Variants in SLC24A2 observed in about 807,000 individuals in gnomAD.
SLC24A2 encodes the protein solute carrier family 24 member 2, also known as sodium/potassium/calcium exchanger 2.
A neutral mutation model predicts 62.0 loss-of-function variants in SLC24A2; 36 were observed. The ratio of observed to expected loss-of-function variants is 0.58; its 90% confidence interval spans 0.44 to 0.77. The LOEUF (loss-of-function observed/expected upper bound fraction) is 0.77. SLC24A2 is among the 30% of genes least tolerant of loss of function. The pLI, the probability that SLC24A2 is intolerant of heterozygous loss-of-function variation, is 0.00. For missense variants in SLC24A2, 846 were observed against 817.9 expected (o/e 1.03, Z -0.42); for synonymous variants, 358 against 294.0 (o/e 1.22, Z -2.23).
At chr9:19,606,235 T>C (rs1836980639) in intron 4 of SLC24A2, among the ~76,000 whole-genome samples, 1 of 152,138 alleles carries the variant, frequency 6.6e-6, no homozygotes, top group African/African-American at 2.4e-5. Flanking sequence ...GATAAAAGGT[T>C]TTTTCTCAGA....
chr9:20,103,338 G>T, the SLC24A2 span, among the ~76,000 whole-genome samples: 1 of 152,092 alleles, frequency 6.6e-6, no homozygotes, highest in African/African-American at 2.4e-5. Flanking sequence ...CAGCTTTGAA[G>T]AGAGCATGGT....
the SLC24A2 span, among the ~76,000 whole-genome samples, chr9:20,036,936 C>A: frequency 1.3e-5 from 2 of 148,352 alleles, no homozygotes; most frequent in African/African-American, 2.5e-5. Flanking sequence ...TTGCTCGTTA[C>A]CCAGGCTGGA....
chr9:20,144,841 T>TA, the SLC24A2 span, among the ~76,000 whole-genome samples: 208 of 149,038 alleles, frequency 1.4e-3, no homozygotes, highest in East Asian at 0.022. Context: ...AATGTTAGTT[T>TA]AAAAAAAAAA....
At chr9:19,789,260 G>A (rs924442130), upstream of SLC24A2, among the ~76,000 whole-genome samples, 1 of 152,276 alleles carries the variant, frequency 6.6e-6, no homozygotes, top group East Asian at 1.9e-4. Flanking sequence ...AGCAAGGGCA[G>A]AGAGGAGAAA....
intron 7 of SLC24A2, among the ~76,000 whole-genome samples, chr9:19,565,553 T>C (rs1175963430): frequency 2.0e-5 from 3 of 151,912 alleles, no homozygotes; most frequent in South Asian, 4.2e-4. Flanking sequence ...AGGTAATTTA[T>C]AGATTCAATG....
the SLC24A2 span, among the ~76,000 whole-genome samples, chr9:19,903,016 T>C: frequency 6.6e-6 from 1 of 151,214 alleles, no homozygotes; most frequent in Admixed American, 6.6e-5. Flanking sequence ...TATCAAAGTC[T>C]ATAATAAGTC....
intron 2 of SLC24A2, among the ~76,000 whole-genome samples, chr9:19,628,019 TCA>T (rs1473666852): frequency 6.6e-6 from 1 of 152,228 alleles, no homozygotes; most frequent in African/African-American, 2.4e-5. Flanking sequence ...TCAATGCCTC[TCA>T]CAGAATTGAC....
At chr9:19,743,640 A>C (rs1821745623) in intron 2 of SLC24A2, among the ~76,000 whole-genome samples, 1 of 152,156 alleles carries the variant, frequency 6.6e-6, no homozygotes, top group African/African-American at 2.4e-5. Flanking sequence ...TTGTTCACAT[A>C]ACATAAAATA....
the SLC24A2 span, among the ~76,000 whole-genome samples, chr9:20,029,555 C>T: frequency 1.3e-5 from 2 of 152,148 alleles, no homozygotes; most frequent in Non-Finnish European, 2.9e-5. Context: ...CAGTACTGAT[C>T]CAAAGGTTGG....
chr9:19,529,653 A>G (rs1476504664), intron 8 of SLC24A2, among the ~76,000 whole-genome samples: 2 of 151,998 alleles, frequency 1.3e-5, no homozygotes, highest in African/African-American at 4.8e-5. Context: ...AATATTTTGG[A>G]CAAGGACTCA....
chr9:20,055,163 C>G, the SLC24A2 span, among the ~76,000 whole-genome samples: 1 of 152,130 alleles, frequency 6.6e-6, no homozygotes, highest in South Asian at 2.1e-4. Context: ...CATCCCCTTG[C>G]TGCGTCAAGA....
the SLC24A2 span, among the ~76,000 whole-genome samples, chr9:20,173,640 C>T: frequency 2.0e-5 from 3 of 151,824 alleles, no homozygotes; most frequent in African/African-American, 4.8e-5. Flanking sequence ...TATACCTAAC[C>T]GTGGAGGTAA....
the SLC24A2 span, among the ~76,000 whole-genome samples, chr9:19,918,140 A>ACG: frequency 6.8e-6 from 1 of 148,042 alleles, no homozygotes; most frequent in East Asian, 2.0e-4. Context: ...AACTGACATT[A>ACG]TGTGTGTGTG....
At chr9:19,993,474 A>G in the SLC24A2 span, among the ~76,000 whole-genome samples, 2 of 152,192 alleles carry the variant, frequency 1.3e-5, no homozygotes, top group Non-Finnish European at 2.9e-5. Context: ...ATAACCATCT[A>G]TGGATGCTCA....
chr9:19,523,913 C>T lies in SLC24A2; in HGVS notation c.1570-2853G>A, dbSNP rs142539444. Among the ~76,000 whole-genome samples, 352 of 152,054 alleles carry T rather than the reference C, an allele frequency of 2.3e-3. 1 individual carries two copies. The highest frequency in any genetic ancestry group is 8.3e-3 in the African/African-American group (346 of 41,476). On this transcript the variant is annotated intron_variant, in intron 9 of 10. Coordinates refer to ENST00000341998, the MANE Select transcript of SLC24A2 (RefSeq NM_020344.4). Reference sequence around the variant, plus strand: ...TGAGAATTTTCATTAGACATCAAACCCCTGGTGAATCTGTGTGGCTCTAGA... The same window carrying T: ...TGAGAATTTTCATTAGACATCAAACTCCTGGTGAATCTGTGTGGCTCTAGA...
the SLC24A2 span, among the ~76,000 whole-genome samples, chr9:19,947,814 AAG>A: frequency 3.0e-4 from 30 of 101,206 alleles, no homozygotes; most frequent in South Asian, 8.1e-4. Context: ...AAAAAAAAGA[AAG>A]AAAGAAAGAA....
At chr9:19,542,194 C>G (rs1423908797) in intron 8 of SLC24A2, among the ~76,000 whole-genome samples, 3 of 152,168 alleles carry the variant, frequency 2.0e-5, no homozygotes, top group Non-Finnish European at 4.4e-5. Context: ...GAGCTGTAGA[C>G]CGGAGCTGTT....
the SLC24A2 span, among the ~76,000 whole-genome samples, chr9:19,973,208 C>T: frequency 1.2e-4 from 19 of 152,184 alleles, no homozygotes; most frequent in Non-Finnish European, 5.9e-5. Context: ...AATGATGCTA[C>T]CAGTGTTCTT....
At chr9:20,021,037 A>T in the SLC24A2 span, among the ~76,000 whole-genome samples, 2 of 152,204 alleles carry the variant, frequency 1.3e-5, no homozygotes, top group Non-Finnish European at 2.9e-5. Flanking sequence ...TACTGTATAC[A>T]TAGACATAAT....
Sources: gnomAD v4.1 joint callset for allele counts (sites outside exome capture counted in the v4.1 genomes callset) on GRCh38, gnomAD v4.1.1 for gene constraint, MANE v1.5 for transcripts, NCBI Gene and HGNC (gene_info 2026-07-23, HGNC 2026-07-21) for gene names.